The following PDE4D variants were observed in gnomAD, a reference collection of about 807,000 sequenced individuals.
PDE4D encodes the protein phosphodiesterase 4D, also known as 3',5'-cyclic-AMP phosphodiesterase 4D.
PDE4D carries 24 observed loss-of-function variants against 87.4 expected under a neutral mutation model. That is an observed-to-expected ratio of 0.27 (90% CI 0.20 to 0.39). PDE4D has a LOEUF of 0.39. PDE4D is among the 10% of genes least tolerant of loss of function. The pLI is 1.00. For missense variants in PDE4D, 714 were observed against 1,041.0 expected (o/e 0.69, Z 4.32); for synonymous variants, 384 against 383.2 (o/e 1.00, Z -0.02).
intron 5 of PDE4D, among the ~76,000 whole-genome samples, chr5:59,087,966 C>G (rs28735903): frequency 0.047 from 7,225 of 152,202 alleles, 578 homozygotes; most frequent in African/African-American, 0.16. Flanking sequence ...ATGTCATTGT[C>G]CTTTCTGTTT....
At chr5:59,612,218 C>T (rs1829094397) in intron 1 of PDE4D, among the ~76,000 whole-genome samples, 1 of 125,332 alleles carries the variant, frequency 8.0e-6, no homozygotes, top group East Asian at 2.3e-4. Context: ...TATTCTGATT[C>T]CTTGATTGAC....
chr5:60,238,791 GT>G (rs999254855), intron 1 of PDE4D, among the ~76,000 whole-genome samples: 1 of 151,830 alleles, frequency 6.6e-6, no homozygotes, highest in African/African-American at 2.4e-5. Context: ...CTATTCTGAA[GT>G]TTTTTAAAAA....
At chr5:60,337,758 T>G (rs1273178146) in intron 1 of PDE4D, among the ~76,000 whole-genome samples, 2 of 151,986 alleles carry the variant, frequency 1.3e-5, no homozygotes, top group Admixed American at 1.3e-4. Context: ...TTTTTCATTC[T>G]CCATAGGTTC....
At chr5:60,283,554 T>C (rs1752141756) in intron 1 of PDE4D, among the ~76,000 whole-genome samples, 1 of 152,204 alleles carries the variant, frequency 6.6e-6, no homozygotes, top group South Asian at 2.1e-4. Flanking sequence ...TGGTAACATT[T>C]TTCCCAAATA....
intron 1 of PDE4D, among the ~76,000 whole-genome samples, chr5:60,370,722 T>C (rs1440158290): frequency 1.3e-5 from 2 of 152,108 alleles, no homozygotes; most frequent in Non-Finnish European, 2.9e-5. Flanking sequence ...TGATTAGTCA[T>C]TACTAAAACA....
At chr5:60,038,471 T>C (rs1445499837) in intron 2 of PDE4D, among the ~76,000 whole-genome samples, 1 of 152,080 alleles carries the variant, frequency 6.6e-6, no homozygotes, top group African/African-American at 2.4e-5. Context: ...TCTGTTCTGT[T>C]CCACTGATCT....
intron 5 of PDE4D, among the ~76,000 whole-genome samples, chr5:59,170,926 G>A (rs954197003): frequency 2.0e-5 from 3 of 148,928 alleles, no homozygotes; most frequent in Non-Finnish European, 4.4e-5. Flanking sequence ...TTGTTGCCCA[G>A]GCTAGAGTGC....
rs573768383 is a variant in PDE4D at position 59,394,071 on chromosome 5, T to C, written c.456-178103A>G. ...AAGGTGTCATCAGGTGTTTTCCACC[T>C]TTAGTGATCTCAAGTGGTTCCCCTT... On this transcript the variant is annotated intron_variant, in intron 1 of 14. Coordinates refer to ENST00000340635, the MANE Select transcript of PDE4D (RefSeq NM_001104631.2). Among the ~76,000 whole-genome samples the C allele has an allele frequency of 5.3e-5, 8 of 152,346 alleles. No individual in the cohort carries two copies. The South Asian group carries it at 1.4e-3, about 28-fold the overall frequency.
At position 59,223,544 on chromosome 5, in the gene PDE4D, C is replaced by T. The variant is rs79058801; in HGVS notation, c.456-7576G>A. ...GTAACTGTAACTGGATGACTACATA[C>T]ATTTTTCCCTCTTTATAATACTAAA... On this transcript the variant is annotated intron_variant, in intron 1 of 14. Coordinates refer to ENST00000340635, the MANE Select transcript of PDE4D (RefSeq NM_001104631.2). Among the ~76,000 whole-genome samples, 584 of 152,194 alleles carry T rather than the reference C, an allele frequency of 3.8e-3. 4 individuals are homozygous for T. Among genetic ancestry groups the T allele is most frequent in the African/African-American group, 0.013 (551 of 41,528 alleles).
chr5:60,318,959 T>C (rs1478456715), intron 1 of PDE4D, among the ~76,000 whole-genome samples: 2 of 152,188 alleles, frequency 1.3e-5, no homozygotes, highest in African/African-American at 2.4e-5. Flanking sequence ...GACAATTATG[T>C]GTCTTGGAGT....
At chr5:60,360,028 C>G (rs1448471700) in intron 1 of PDE4D, among the ~76,000 whole-genome samples, 1 of 152,152 alleles carries the variant, frequency 6.6e-6, no homozygotes, top group Non-Finnish European at 1.5e-5. Context: ...TCGAACACCG[C>G]CAATACCCTA....
chr5:60,415,178 G>C (rs1742381896), intron 1 of PDE4D, among the ~76,000 whole-genome samples: 2 of 152,252 alleles, frequency 1.3e-5, no homozygotes. Flanking sequence ...CTCTGCATCT[G>C]ATCAGGCTAT....
chr5:60,329,108 T>A (rs985865613), intron 1 of PDE4D, among the ~76,000 whole-genome samples: 4 of 152,262 alleles, frequency 2.6e-5, no homozygotes, highest in African/African-American at 9.6e-5. Context: ...TGAGGGCTCC[T>A]GTGTTATGTA....
chr5:59,947,294 G>A (rs1167569562), intron 3 of PDE4D, among the ~76,000 whole-genome samples: 3 of 152,170 alleles, frequency 2.0e-5, no homozygotes, highest in Admixed American at 2.0e-4. Flanking sequence ...TCCCTTGGAA[G>A]GCAAGGCTCA....
chr5:59,018,015 T>A (rs1042096383), intron 6 of PDE4D, among the ~76,000 whole-genome samples: 2 of 152,192 alleles, frequency 1.3e-5, no homozygotes, highest in South Asian at 4.1e-4. Flanking sequence ...ATATGCAGCA[T>A]TTTACTTAAG....
chr5:59,296,821 A>G (rs1426206596), intron 1 of PDE4D, among the ~76,000 whole-genome samples: 1 of 152,038 alleles, frequency 6.6e-6, no homozygotes, highest in East Asian at 1.9e-4. Flanking sequence ...GTAAAAAGCA[A>G]GGTTAAACTC....
Position 59,709,921 on chromosome 5 carries a change from G to A in PDE4D, c.455+183247C>T, listed in dbSNP as rs562022286. On this transcript the variant is annotated intron_variant, in intron 1 of 14. Coordinates refer to ENST00000340635, the MANE Select transcript of PDE4D (RefSeq NM_001104631.2). ...CAGGAGACCACCTAAGGAAAATCTG[G>A]GGGAAAAGAAGTTTCCAATCAATTG... Among the ~76,000 whole-genome samples the A allele has an allele frequency of 8.5e-5, 13 of 152,208 alleles. No homozygotes were observed. The South Asian group carries it at 1.7e-3, about 19-fold the overall frequency.
At chr5:60,126,683 A>G (rs1031306727) in intron 2 of PDE4D, among the ~76,000 whole-genome samples, 3 of 152,198 alleles carry the variant, frequency 2.0e-5, no homozygotes, top group African/African-American at 7.2e-5. Flanking sequence ...ATATATTTAA[A>G]CACTAGCCAT....
chr5:59,411,400 A>G (rs1453781604), intron 1 of PDE4D, among the ~76,000 whole-genome samples: 1 of 152,206 alleles, frequency 6.6e-6, no homozygotes, highest in East Asian at 1.9e-4. Context: ...AGCAAATAAA[A>G]AAGACTGTAT....
Sources: gnomAD v4.1 joint callset for allele counts (sites outside exome capture counted in the v4.1 genomes callset) on GRCh38, gnomAD v4.1.1 for gene constraint, MANE v1.5 for transcripts, NCBI Gene and HGNC (gene_info 2026-07-23, HGNC 2026-07-21) for gene names.